RIPK2: variants seen among roughly 807,000 people sequenced by gnomAD.
The protein encoded by RIPK2 is receptor-interacting serine/threonine-protein kinase 2.
A neutral mutation model predicts 60.9 loss-of-function variants in RIPK2; 38 were observed. The observed-to-expected ratio is 0.62, with a 90% CI of 0.48 to 0.82. The LOEUF is 0.82. Ranked by LOEUF, RIPK2 falls within the 40% of genes least tolerant of loss-of-function variation. The pLI is 0.00. For synonymous variants in RIPK2, 225 were observed against 223.4 expected, an observed-to-expected ratio of 1.01 and a Z score of -0.06; for missense variants, 518 against 647.0, an observed-to-expected ratio of 0.80 and a Z score of 2.16.
At chr8:89,770,575 C>T (rs999734349) in intron 4 of RIPK2, among the ~76,000 whole-genome samples, 4 of 151,748 alleles carry the variant, frequency 2.6e-5, no homozygotes, top group African/African-American at 9.7e-5. Flanking sequence ...ATAAGTTACT[C>T]TTATCTCTTT....
chr8:89,786,700 C>G lies in RIPK2; in HGVS notation c.1123+14C>G. ...ATTTTTTATCTAGTATGTAGATTTTCCAATCATTATTTACTTGCAAGTTTT... is the reference window on the plus strand; with the variant it reads ...ATTTTTTATCTAGTATGTAGATTTTGCAATCATTATTTACTTGCAAGTTTT... On this transcript the variant is annotated intron_variant, in intron 9 of 10. Coordinates refer to ENST00000220751, the MANE Select transcript of RIPK2 (RefSeq NM_003821.6). 1 of 1,404,576 alleles carries G rather than the reference C, an allele frequency of 7.1e-7. No homozygotes were observed. The highest frequency in any genetic ancestry group is 9.9e-7 in the Non-Finnish European group (1 of 1,010,414). 87.0% of individuals were successfully genotyped at this position (1,404,576 alleles called of 1,614,324 possible).
chr8:89,789,109 T>G (rs1809632774), intron 9 of RIPK2, among the ~76,000 whole-genome samples: 1 of 152,202 alleles, frequency 6.6e-6, no homozygotes, highest in Admixed American at 6.5e-5. Context: ...ACAGACAATT[T>G]CTGACAGAAA....
intron 3 of RIPK2, among the ~76,000 whole-genome samples, chr8:89,766,006 C>T (rs2130549537): frequency 6.6e-6 from 1 of 151,942 alleles, no homozygotes; most frequent in East Asian, 1.9e-4. Flanking sequence ...CACTTCCTCC[C>T]TACCACAATC....
At chr8:89,758,289 C>A in intron 1 of RIPK2, 56 bp downstream of exon 1, 4 of 1,495,486 alleles carry the variant, frequency 2.7e-6, no homozygotes, top group Non-Finnish European at 3.6e-6. Context: ...TCCCCTCAAG[C>A]CCCCTGACAA....
rs1445826910 is a variant in RIPK2 at position 89,772,826 on chromosome 8, T to G, written c.851T>G (p.Leu284Ter). 1 of 1,600,246 alleles carries G rather than the reference T, an allele frequency of 6.2e-7. No individual in the cohort carries two copies. The highest frequency in any genetic ancestry group is 8.5e-7 in the Non-Finnish European group (1 of 1,171,880). Residue 284 changes from leucine (L) to a stop codon, truncating the protein, a stop_gained and splice_region_variant, in exon 6 of 11, where the codon TTA becomes TGA. Transcript: ENST00000220751. LOFTEE classifies it high-confidence loss of function. ...AATCCAGATGAAAGACCATCTTTCT[T>G]AAGTGAGTATATAGTTTTAACCTAG... ...AQNPDERPSF[L>*]KCLIELEPVL...
At chr8:89,767,981 G>T (rs1263584594) in intron 3 of RIPK2, among the ~76,000 whole-genome samples, 1 of 151,650 alleles carries the variant, frequency 6.6e-6, no homozygotes, top group East Asian at 1.9e-4. Flanking sequence ...CTTAAATGTT[G>T]ATCGTCAGAA....
chr8:89,774,997 A>T (rs1809374081), intron 6 of RIPK2, among the ~76,000 whole-genome samples: 1 of 152,212 alleles, frequency 6.6e-6, no homozygotes, highest in Admixed American at 6.5e-5. Context: ...TGGAGTTTTA[A>T]TAGAGAGATG....
chr8:89,763,593 T>C (rs1809179834), intron 2 of RIPK2, among the ~76,000 whole-genome samples: 5 of 152,156 alleles, frequency 3.3e-5, no homozygotes. Flanking sequence ...GTAGTTTCAG[T>C]AGATCTTTTT....
At chr8:89,760,396 T>C (rs1809125439) in intron 1 of RIPK2, among the ~76,000 whole-genome samples, 1 of 152,230 alleles carries the variant, frequency 6.6e-6, no homozygotes, top group South Asian at 2.1e-4. Context: ...GACATAACTT[T>C]TCTGATTAAA....
intron 1 of RIPK2, chr8:89,759,188 T>C (rs1005063493): frequency 2.7e-5 from 10 of 374,430 alleles, no homozygotes; most frequent in Admixed American, 5.8e-5. Context: ...CTTTCACTTA[T>C]TGGTTTGTAC....
At chr8:89,768,055 C>G (rs558912020) in intron 3 of RIPK2, among the ~76,000 whole-genome samples, 1 of 151,586 alleles carries the variant, frequency 6.6e-6, no homozygotes, top group South Asian at 2.1e-4. Flanking sequence ...GTGTCATTTC[C>G]TTGGCCCTAA....
intron 7 of RIPK2, among the ~76,000 whole-genome samples, chr8:89,780,944 G>GTT (rs1367457371): frequency 2.1e-5 from 3 of 141,866 alleles, no homozygotes; most frequent in African/African-American, 5.1e-5. Context: ...TACTGCAGGG[G>GTT]TTTTTTTTTT....
intron 10 of RIPK2, 47 bp from the exon 11 acceptor site, chr8:89,790,032 G>C (rs1212070129): frequency 7.5e-7 from 1 of 1,337,386 alleles, no homozygotes; most frequent in South Asian, 1.3e-5. Flanking sequence ...TTATTGCTAT[G>C]TATCTGTCCT....
chr8:89,775,491 AT>A (rs1158221417), intron 6 of RIPK2, among the ~76,000 whole-genome samples: 1 of 151,984 alleles, frequency 6.6e-6, no homozygotes, highest in Non-Finnish European at 1.5e-5. Context: ...AGAAAGATAG[AT>A]TACTTTATCT....
At chr8:89,766,016 C>T (rs1318980134) in intron 3 of RIPK2, among the ~76,000 whole-genome samples, 2 of 151,850 alleles carry the variant, frequency 1.3e-5, no homozygotes, top group Non-Finnish European at 2.9e-5. Context: ...CTACCACAAT[C>T]TGTACCCCTA....
intron 10 of RIPK2, 132 bp downstream of exon 10, chr8:89,789,614 A>G (rs1809642725): frequency 4.9e-6 from 4 of 809,000 alleles, no homozygotes; most frequent in Non-Finnish European, 5.7e-6. Context: ...CTTAAGTAGG[A>G]AAACAAATCC....
At chr8:89,761,117 C>G (rs1809137504) in intron 1 of RIPK2, among the ~76,000 whole-genome samples, 1 of 152,136 alleles carries the variant, frequency 6.6e-6, no homozygotes, top group Admixed American at 6.5e-5. Flanking sequence ...ATGACCTATT[C>G]AAAAAATAAA....
At position 89,769,821 on chromosome 8, in the gene RIPK2, C is replaced by CA; in HGVS notation, c.534dup (p.Arg179ThrfsTer3). 1.2e-6 allele frequency: 2 copies of CA among 1,609,712 alleles called. No homozygotes were observed. The highest frequency in any genetic ancestry group is 1.7e-6 in the Non-Finnish European group (2 of 1,177,484). On this transcript the variant is annotated frameshift_variant, in exon 4 of 11. Coordinates refer to ENST00000220751, the MANE Select transcript of RIPK2 (RefSeq NM_003821.6). LOFTEE classifies it high-confidence loss of function. ...TGGCGCATGATGTCCCTCTCACAGTCACGAAGTAGCAAATCTGCACCAGAA... is the reference window on the plus strand; with the variant it reads ...TGGCGCATGATGTCCCTCTCACAGTCAACGAAGTAGCAAATCTGCACCAGAA...
At chr8:89,788,220 G>A (rs1196256351) in intron 9 of RIPK2, among the ~76,000 whole-genome samples, 2 of 151,828 alleles carry the variant, frequency 1.3e-5, no homozygotes, top group African/African-American at 4.8e-5. Flanking sequence ...GTGCACACCT[G>A]TAATCCCAGC....
Sources: gnomAD v4.1 joint callset for allele counts (sites outside exome capture counted in the v4.1 genomes callset) on GRCh38, gnomAD v4.1.1 for gene constraint, MANE v1.5 for transcripts, NCBI Gene and HGNC (gene_info 2026-07-23, HGNC 2026-07-21) for gene names.